GUCY2F: variants seen among roughly 807,000 people sequenced by gnomAD.
GUCY2F encodes the protein retinal guanylyl cyclase 2.
A neutral mutation model predicts 73.1 loss-of-function variants in GUCY2F; 61 were observed. The ratio of observed to expected loss-of-function variants is 0.83; its 90% confidence interval spans 0.68 to 1.03. GUCY2F has a LOEUF of 1.03. Ranked by LOEUF, GUCY2F falls within the 50% of genes least tolerant of loss-of-function variation. GUCY2F has a pLI of 0.00. For synonymous variants in GUCY2F, 331 were observed against 307.8 expected (o/e 1.08, Z -0.79); for missense variants, 912 against 854.3 (o/e 1.07, Z -0.84).
chrX:109,467,644 T>A (rs184501900), intron 2 of GUCY2F, among the ~76,000 whole-genome samples: 1 of 112,217 alleles, frequency 8.9e-6, no homozygotes, highest in East Asian at 2.8e-4. Flanking sequence ...GGTGTGTTAG[T>A]AGCTGATAGG....
chrX:109,456,205 C>A (rs2267977), intron 3 of GUCY2F, among the ~76,000 whole-genome samples: 1,222 of 112,318 alleles, frequency 0.011, 12 homozygotes, highest in East Asian at 0.054. Context: ...AATTCCCTCT[C>A]CTGACATTCT....
rs760280886 is a variant in GUCY2F, at chrX:109,389,964, T to C, written c.2782-1301A>G. ...TTTCCATCCAAGGTCTCCCTTACCT[T>C]GTGCAATTTGAGGAAAGGATACCTA... On this transcript the variant is annotated intron_variant, in intron 14 of 19. Transcript: ENST00000218006. Among the ~76,000 whole-genome samples, 3 of 111,984 alleles carry C rather than the reference T, an allele frequency of 2.7e-5. 1 individual carries two copies. The East Asian group carries it at 8.4e-4, about 31-fold the overall frequency.
intron 1 of GUCY2F, among the ~76,000 whole-genome samples, chrX:109,479,759 C>T (rs1299360003): frequency 9.0e-6 from 1 of 111,174 alleles, no homozygotes; most frequent in Non-Finnish European, 1.9e-5. Context: ...GTGAAGACCC[C>T]ACTCCCCGAC....
At chrX:109,441,078 C>T (rs1931856521) in intron 7 of GUCY2F, among the ~76,000 whole-genome samples, 1 of 111,968 alleles carries the variant, frequency 8.9e-6, no homozygotes, top group Non-Finnish European at 1.9e-5. Context: ...GTGACAGACA[C>T]ATTTAAATGT....
chrX:109,435,941 C>T (rs1200236271), intron 7 of GUCY2F, among the ~76,000 whole-genome samples: 2 of 111,012 alleles, frequency 1.8e-5, no homozygotes, highest in African/African-American at 6.6e-5. Context: ...TATTGATTTG[C>T]GTATATTGAA....
chrX:109,454,025 C>T (rs1406760750), intron 3 of GUCY2F, among the ~76,000 whole-genome samples, 166 bp from the exon 4 acceptor site: 1 of 108,474 alleles, frequency 9.2e-6, no homozygotes, highest in Non-Finnish European at 1.9e-5. Context: ...GGTTTCTCCC[C>T]TGAATTTTTC....
chrX:109,378,724 G>A (rs1048605602), intron 17 of GUCY2F, among the ~76,000 whole-genome samples: 20 of 111,511 alleles, frequency 1.8e-4, no homozygotes, highest in African/African-American at 6.2e-4. Flanking sequence ...AGGAACCTGA[G>A]AACCAAATAC....
chrX:109,475,801 G>A lies in GUCY2F; in HGVS notation c.136C>T (p.Gln46Ter), dbSNP rs774080062. 7 of 1,211,201 alleles carry A rather than the reference G, an allele frequency of 5.8e-6. No individual in the cohort carries two copies. Among genetic ancestry groups the A allele is most frequent in the Non-Finnish European group, 5.6e-6 (5 of 895,226 alleles). ...TTGTAGGGGAGTGTCCACACCTGCT[G>A]CGGAAGGGACATGACAGACAGAAGG... Reference protein sequence around the residue: ...LCLLSVMSLPQQVWTLPYKIG... With the variant: ...LCLLSVMSLP The change falls in exon 2 of 20, where the codon CAG becomes TAG. Residue 46 changes from glutamine (Q) to a stop codon, truncating the protein, a stop_gained. Coordinates refer to ENST00000218006, the MANE Select transcript of GUCY2F (RefSeq NM_001522.3). LOFTEE classifies it high-confidence loss of function.
rs1368567606 is a variant in GUCY2F at position 109,391,971 on chromosome X, A to T, written c.2721T>A (p.Asp907Glu). ...AGAGTGTGTACAGGTCATTCAGAAG[A>T]TCCACGACCTCAATGGGCTCACTCA... ...SAMSEPIEVV[D>E]LLNDLYTLFD... Residue 907 changes from aspartate to glutamate, a missense_variant, in exon 14 of 20, where the codon GAT becomes GAA. Transcript: ENST00000218006. 2.5e-6 allele frequency: 3 copies of T among 1,207,344 alleles called. No homozygotes were observed. Among genetic ancestry groups the T allele is most frequent in the Non-Finnish European group, 3.4e-6 (3 of 891,930 alleles).
intron 2 of GUCY2F, 142 bp from the exon 3 acceptor site, chrX:109,465,585 C>A: frequency 4.2e-6 from 2 of 471,887 alleles, no homozygotes. Context: ...AGATGTTGTC[C>A]TGAGCTGAGG....
At chrX:109,428,556 T>C (rs1404254235) in intron 8 of GUCY2F, among the ~76,000 whole-genome samples, 2 of 111,544 alleles carry the variant, frequency 1.8e-5, no homozygotes, top group Non-Finnish European at 3.8e-5. Context: ...GACAGCAAAC[T>C]GAATGTGTGA....
At position 109,392,975 on chromosome X, in the gene GUCY2F, C is replaced by A; in HGVS notation, c.2505G>T (p.Leu835Phe). 2.6e-6 allele frequency: 3 copies of A among 1,143,856 alleles called. No individual in the cohort carries two copies. The highest frequency in any genetic ancestry group is 3.6e-6 in the Non-Finnish European group (3 of 833,856). The allele number at this position is 1,143,856 out of a possible 1,213,427, so 94.3% of individuals were successfully genotyped here. A position where few individuals can be genotyped will look rare whatever the true frequency, so the allele number is the denominator to read the frequency against. ...LRMLEQYSSNLEDLIRERTEE... is the reference protein window; with the variant it reads ...LRMLEQYSSNFEDLIRERTEE... Reference sequence around the variant, plus strand: ...CAGTCCGCTCCCGAATCAAATCTTCCAAGTTGCTAGAATATTGCTCCAACA... The same window carrying A: ...CAGTCCGCTCCCGAATCAAATCTTCAAAGTTGCTAGAATATTGCTCCAACA... Residue 835 changes from leucine to phenylalanine, a missense_variant, in exon 13 of 20, where the codon TTG becomes TTT. Transcript: ENST00000218006.
At chrX:109,460,673 A>G (rs752460926) in intron 3 of GUCY2F, among the ~76,000 whole-genome samples, 1 of 111,980 alleles carries the variant, frequency 8.9e-6, no homozygotes, top group South Asian at 3.7e-4. Flanking sequence ...TTCATAAAAC[A>G]TAGATCCTGC....
intron 3 of GUCY2F, 47 bp from the exon 4 acceptor site, chrX:109,453,906 C>T (rs373459363): frequency 3.6e-4 from 261 of 728,687 alleles, no homozygotes; most frequent in Non-Finnish European, 4.6e-4. Flanking sequence ...CGCCCTAGAG[C>T]GATCTCAGAG....
At chrX:109,444,125 T>C (rs1931941442) in intron 6 of GUCY2F, among the ~76,000 whole-genome samples, 1 of 111,843 alleles carries the variant, frequency 8.9e-6, no homozygotes, top group Admixed American at 9.5e-5. Context: ...TCAACAAATT[T>C]TTATGTCACA....
chrX:109,440,422 G>A (rs1931842278), intron 7 of GUCY2F, among the ~76,000 whole-genome samples: 1 of 112,166 alleles, frequency 8.9e-6, no homozygotes, highest in East Asian at 2.8e-4. Flanking sequence ...TGAATTTTGA[G>A]AGGGACACAT....
rs766300263 is a variant in GUCY2F at position 109,448,105 on chromosome X, C to T, written c.1533G>A (p.Glu511=). ...KGPNRILLTL[E]DVTFINPHFG... ...AGTGGGGATTGATAAACGTTACATC[C>T]TCCAAAGTCAGTAGAATTCTATTGG... The change falls in exon 6 of 20, where the codon GAG becomes GAA. Residue 511 remains glutamate, a synonymous_variant. Transcript: ENST00000218006. 4 of 1,129,249 alleles carry T rather than the reference C, an allele frequency of 3.5e-6. No homozygotes were observed. In the Admixed American group the frequency reaches 8.8e-5, roughly 25 times the overall value. 93.1% of individuals were successfully genotyped at this position (1,129,249 alleles called of 1,213,427 possible). A position where few individuals can be genotyped will look rare whatever the true frequency, so the allele number is the denominator to read the frequency against.
intron 2 of GUCY2F, among the ~76,000 whole-genome samples, chrX:109,465,893 G>A (rs1369947459): frequency 8.9e-6 from 1 of 112,079 alleles, no homozygotes; most frequent in Non-Finnish European, 1.9e-5. Flanking sequence ...CATTTACTTA[G>A]TACATAGCAC....
At chrX:109,434,278 C>T (rs765878278) in intron 7 of GUCY2F, among the ~76,000 whole-genome samples, 1 of 110,695 alleles carries the variant, frequency 9.0e-6, no homozygotes, top group South Asian at 4.0e-4. Context: ...CCTGACATGT[C>T]CCCACTGCAT....
Sources: gnomAD v4.1 joint callset for allele counts (sites outside exome capture counted in the v4.1 genomes callset) on GRCh38, gnomAD v4.1.1 for gene constraint, MANE v1.5 for transcripts, NCBI Gene and HGNC (gene_info 2026-07-23, HGNC 2026-07-21) for gene names.